The following MED15 variants were observed in gnomAD, a reference collection of about 807,000 sequenced individuals.
The protein encoded by MED15 is mediator of RNA polymerase II transcription subunit 15.
MED15 carries 41 observed loss-of-function variants against 118.7 expected under a neutral mutation model. That is an observed-to-expected ratio of 0.35 (90% confidence interval 0.27 to 0.45). The LOEUF is 0.45. Among genes scored for constraint, MED15 ranks in the 20% least tolerant of loss-of-function variants. The pLI, the probability that MED15 is intolerant of heterozygous loss-of-function variation, is 1.00. For synonymous variants in MED15, 436 were observed against 413.9 expected (o/e 1.05, Z -0.65); for missense variants, 740 against 1,025.5 (o/e 0.72, Z 3.80).
At chr22:20,574,300 T>A (rs1291367359) in intron 8 of MED15, 1 of 152,160 alleles carries the variant, frequency 6.6e-6, no homozygotes, top group Non-Finnish European at 1.5e-5. Flanking sequence ...TACCCCCAAC[T>A]CAGAACCCAG....
At chr22:20,535,271 T>C (rs1476165409) in intron 1 of MED15, among the ~76,000 whole-genome samples, 3 of 152,164 alleles carry the variant, frequency 2.0e-5, no homozygotes. Context: ...GAGTGCTTTT[T>C]GAATCTAGCA....
At chr22:20,567,794 C>T (rs1011463024) in intron 7 of MED15, among the ~76,000 whole-genome samples, 2 of 152,168 alleles carry the variant, frequency 1.3e-5, no homozygotes, top group East Asian at 3.9e-4. Flanking sequence ...GGGCCTGTCT[C>T]GTCCTTCTGG....
chr22:20,523,693 G>A (rs2054537912), intron 1 of MED15: 1 of 985,252 alleles, frequency 1.0e-6, no homozygotes, highest in African/African-American at 1.7e-5. Context: ...ACCTAGGGGA[G>A]CCCCAGGCCA....
chr22:20,507,970 C>G, intron 1 of MED15: 1 of 1,436,636 alleles, frequency 7.0e-7, no homozygotes, highest in Non-Finnish European at 9.1e-7. Context: ...CCAACGAGCC[C>G]TGGCTTATGA....
intron 1 of MED15, among the ~76,000 whole-genome samples, chr22:20,514,423 TTC>T: frequency 6.6e-6 from 1 of 152,196 alleles, no homozygotes. Context: ...GCTATTTTCT[TTC>T]AATTCTTTTT....
chr22:20,549,002 T>C (rs1303614550), intron 2 of MED15, among the ~76,000 whole-genome samples: 1 of 152,192 alleles, frequency 6.6e-6, no homozygotes, highest in East Asian at 1.9e-4. Flanking sequence ...TGTCTTACTA[T>C]GTTGCCCAGG....
At chr22:20,526,564 T>A (rs1016086687) in intron 1 of MED15, among the ~76,000 whole-genome samples, 1 of 152,242 alleles carries the variant, frequency 6.6e-6, no homozygotes, top group Non-Finnish European at 1.5e-5. Flanking sequence ...GTTATTTTTT[T>A]CCTAGGAAAG....
At position 20,584,996 on chromosome 22, in the gene MED15, A is replaced by C; in HGVS notation, c.1945A>C (p.Ile649Leu). ...YRTFVPAMTA[I>L]HGPPITAPVV... ...CACATTCGTTCCAGCCATGACCGCC[A>C]TTCACGGCCCACCCATCACGTATGT... Residue 649 changes from isoleucine (I) to leucine (L), a missense_variant, in exon 15 of 18, where the codon ATT (isoleucine) becomes CTT (leucine). Ile to Leu is a conservative substitution (Grantham distance 5). Coordinates refer to ENST00000263205, the MANE Select transcript of MED15 (RefSeq NM_001003891.3). 6.2e-7 allele frequency: 1 copy of C among 1,613,964 alleles called. No individual in the cohort carries two copies. Among genetic ancestry groups the C allele is most frequent in the South Asian group, 1.1e-5 (1 of 91,080 alleles).
intron 5 of MED15, among the ~76,000 whole-genome samples, chr22:20,555,540 T>C (rs2055964029): frequency 6.6e-6 from 1 of 152,254 alleles, no homozygotes; most frequent in Non-Finnish European, 1.5e-5. Flanking sequence ...CTTCTAGTGC[T>C]GCCCTTGCCC....
chr22:20,541,100 G>A (rs1054910204), intron 2 of MED15, among the ~76,000 whole-genome samples: 5 of 152,002 alleles, frequency 3.3e-5, no homozygotes, highest in Admixed American at 6.6e-5. Flanking sequence ...TTAGCCAGGC[G>A]TGGTGGTGGG....
At chr22:20,531,481 G>A (rs1333004088) in intron 1 of MED15, among the ~76,000 whole-genome samples, 1 of 152,188 alleles carries the variant, frequency 6.6e-6, no homozygotes. Context: ...TGGCTAGGTT[G>A]GAATTTGAGC....
At chr22:20,508,954 A>G (rs2053970827) in intron 1 of MED15, among the ~76,000 whole-genome samples, 1 of 152,190 alleles carries the variant, frequency 6.6e-6, no homozygotes, top group South Asian at 2.1e-4. Context: ...TGTAATGTGT[A>G]TACTGCAGGG....
At chr22:20,578,323 C>T (rs1235327342) in intron 9 of MED15, among the ~76,000 whole-genome samples, 1 of 152,210 alleles carries the variant, frequency 6.6e-6, no homozygotes, top group African/African-American at 2.4e-5. Flanking sequence ...TAGAGGGACA[C>T]CCTGGAGTGG....
intron 3 of MED15, 28 bp downstream of exon 3, chr22:20,551,515 G>A (rs774498660): frequency 6.2e-7 from 1 of 1,608,638 alleles, no homozygotes; most frequent in Non-Finnish European, 8.5e-7. Context: ...TTTCTGGGTT[G>A]TTGAGATCTC....
At chr22:20,558,972 T>C (rs1258424652) in intron 5 of MED15, among the ~76,000 whole-genome samples, 1 of 152,030 alleles carries the variant, frequency 6.6e-6, no homozygotes, top group East Asian at 1.9e-4. Flanking sequence ...GAACTGTTAG[T>C]TATGGGCCAT....
chr22:20,541,486 G>C (rs76852703), intron 2 of MED15, among the ~76,000 whole-genome samples: 2,508 of 152,146 alleles, frequency 0.016, 70 homozygotes, highest in African/African-American at 0.058. Context: ...TAGAGAAATT[G>C]GAATTCTCTT....
intron 4 of MED15, among the ~76,000 whole-genome samples, chr22:20,554,085 A>C (rs1488576518): frequency 6.6e-6 from 1 of 152,250 alleles, no homozygotes; most frequent in Non-Finnish European, 1.5e-5. Flanking sequence ...GTAGAGCTGT[A>C]CATGCCAGCT....
At chr22:20,555,861 A>G (rs886415451) in intron 5 of MED15, among the ~76,000 whole-genome samples, 5 of 152,324 alleles carry the variant, frequency 3.3e-5, no homozygotes, top group East Asian at 1.9e-4. Flanking sequence ...AGCTGGGACT[A>G]TAGGCTCACA....
chr22:20,529,829 T>TG (rs748094400), intron 1 of MED15, among the ~76,000 whole-genome samples: 2 of 152,152 alleles, frequency 1.3e-5, no homozygotes, highest in Non-Finnish European at 2.9e-5. Flanking sequence ...GGACCTCAGG[T>TG]GATCCACCTG....
Sources: allele counts gnomAD v4.1 joint callset (sites outside exome capture counted in the v4.1 genomes callset), GRCh38; gene constraint gnomAD v4.1.1; transcripts MANE v1.5; gene names NCBI Gene and HGNC (gene_info 2026-07-23, HGNC 2026-07-21).